GAS7: variants seen among roughly 807,000 people sequenced by gnomAD.
GAS7 encodes the protein growth arrest specific 7, also known as growth arrest-specific protein 7.
In GAS7, 28 loss-of-function variants were observed where a neutral mutation model predicts 71.1. The ratio of observed to expected loss-of-function variants is 0.39; its 90% CI spans 0.29 to 0.54. GAS7 has a LOEUF of 0.54. GAS7 is among the 20% of genes least tolerant of loss of function. The probability of loss-of-function intolerance (pLI) is 0.62; values close to 1 mark genes in which losing one functional copy is unlikely to be tolerated. For synonymous variants in GAS7, 258 were observed against 245.8 expected (o/e 1.05, Z -0.46); for missense variants, 436 against 627.8 (o/e 0.69, Z 3.27).
intron 1 of GAS7, among the ~76,000 whole-genome samples, chr17:10,118,820 A>G (rs971741318): frequency 6.6e-6 from 1 of 151,466 alleles, no homozygotes; most frequent in Non-Finnish European, 1.5e-5. Context: ...GGCCCAGCGC[A>G]GGTGGCCAGC....
intron 4 of GAS7, among the ~76,000 whole-genome samples, chr17:9,962,604 C>A (rs1446213930): frequency 6.6e-6 from 1 of 152,066 alleles, no homozygotes; most frequent in Non-Finnish European, 1.5e-5. Context: ...AGAAGAATGC[C>A]AATAAAAAAT....
chr17:9,993,222 C>T (rs2070913236), intron 2 of GAS7, among the ~76,000 whole-genome samples: 2 of 151,656 alleles, frequency 1.3e-5, no homozygotes, highest in Admixed American at 6.6e-5. Context: ...GTCCCACCAA[C>T]AGTGTAAAAG....
At position 10,198,192 on chromosome 17, in the gene GAS7, G is replaced by A. The variant is rs755071143; in HGVS notation, c.183+16C>T. 8 of 1,605,076 alleles carry A rather than the reference G, an allele frequency of 5.0e-6. No individual in the cohort carries two copies. Among genetic ancestry groups the A allele is most frequent in the South Asian group, 1.1e-5 (1 of 90,990 alleles). Reference sequence around the variant, plus strand: ...CCGCAGCCCCGGCTCCTACAGCCCCGGCCCTCGCCCCTTACCTCCAGCAAC... The same window carrying A: ...CCGCAGCCCCGGCTCCTACAGCCCCAGCCCTCGCCCCTTACCTCCAGCAAC... On this transcript the variant is annotated intron_variant, in intron 1 of 13. Transcript: ENST00000432992.
intron 3 of GAS7, among the ~76,000 whole-genome samples, chr17:9,976,070 G>C (rs1378626117): frequency 6.6e-6 from 1 of 152,208 alleles, no homozygotes; most frequent in Non-Finnish European, 1.5e-5. Context: ...TAGGGGAGCA[G>C]TTTTACATAA....
At chr17:10,088,220 CAATAATAATAATAAT>C (rs58029258) in intron 1 of GAS7, among the ~76,000 whole-genome samples, 9 of 137,824 alleles carry the variant, frequency 6.5e-5, no homozygotes, top group South Asian at 4.8e-4. Context: ...GACTCTATCT[CAATAATAATAATAAT>C]AATAATAATA....
Position 10,037,240 on chromosome 17 carries a change from T to C in GAS7, c.184-17343A>G, listed in dbSNP as rs950917444. On this transcript the variant is annotated intron_variant, in intron 1 of 13. Transcript: ENST00000432992. ...GGATCACAAAGTCATTAGTTACAAGTGGAGAAAGGATTGGACCCCAAGAGC... is the reference window on the plus strand; with the variant it reads ...GGATCACAAAGTCATTAGTTACAAGCGGAGAAAGGATTGGACCCCAAGAGC... 3.3e-5 allele frequency among the ~76,000 whole-genome samples: 5 copies of C among 152,248 alleles called. No homozygotes were observed. In the East Asian group the frequency reaches 9.7e-4, roughly 29 times the overall value.
intron 1 of GAS7, among the ~76,000 whole-genome samples, chr17:10,135,999 C>G (rs548543844): frequency 2.6e-5 from 4 of 152,300 alleles, no homozygotes; most frequent in African/African-American, 9.6e-5. Context: ...GTTGGCCCCA[C>G]TGAGCAGGGG....
At chr17:9,998,782 T>C (rs950621247) in intron 2 of GAS7, among the ~76,000 whole-genome samples, 1 of 151,652 alleles carries the variant, frequency 6.6e-6, no homozygotes, top group African/African-American at 2.4e-5. Context: ...GGCACCTGAT[T>C]TTCCCATCCT....
At chr17:9,931,009 T>C (rs2068189963) in intron 9 of GAS7, among the ~76,000 whole-genome samples, 1 of 152,294 alleles carries the variant, frequency 6.6e-6, no homozygotes, top group South Asian at 2.1e-4. Context: ...CATGTGGTTG[T>C]CCAGGGCCAG....
chr17:10,146,076 A>G (rs1597818513), intron 1 of GAS7, among the ~76,000 whole-genome samples: 1 of 152,264 alleles, frequency 6.6e-6, no homozygotes. Context: ...GCATCCACAC[A>G]CATGCAAGAA....
At chr17:10,173,543 C>T (rs139115155) in intron 1 of GAS7, among the ~76,000 whole-genome samples, 7,080 of 151,782 alleles carry the variant, frequency 0.047, 580 homozygotes, top group African/African-American at 0.16. Flanking sequence ...CAGAGATGGG[C>T]GGATCACAAG....
chr17:10,013,467 A>T (rs2071861687), intron 2 of GAS7, among the ~76,000 whole-genome samples: 1 of 152,178 alleles, frequency 6.6e-6, no homozygotes, highest in South Asian at 2.1e-4. Flanking sequence ...ACAGCACAAG[A>T]CAAGCAATTT....
intron 9 of GAS7, among the ~76,000 whole-genome samples, chr17:9,928,053 G>T (rs2068074026): frequency 6.6e-6 from 1 of 151,842 alleles, no homozygotes; most frequent in Admixed American, 6.6e-5. Context: ...CCCTTTAAAA[G>T]AACTTTTCCT....
In GAS7 at chr17:10,159,338, T is replaced by C. The variant is rs747638808; in HGVS notation, c.183+38870A>G. Among the ~76,000 whole-genome samples, 15 of 151,896 alleles carry C rather than the reference T, an allele frequency of 9.9e-5. No homozygotes were observed. The Middle Eastern group carries it at 0.014, about 138-fold the overall frequency. Reference sequence around the variant, plus strand: ...TACCCAACACAAATGAGAGCTTTCGTCCACCAAAAACATGTACGAGAATGT... The same window carrying C: ...TACCCAACACAAATGAGAGCTTTCGCCCACCAAAAACATGTACGAGAATGT... On this transcript the variant is annotated intron_variant, in intron 1 of 13. Transcript: ENST00000432992.
chr17:9,960,011 G>A (rs552362856), intron 4 of GAS7, among the ~76,000 whole-genome samples: 1 of 152,196 alleles, frequency 6.6e-6, no homozygotes, highest in African/African-American at 2.4e-5. Context: ...AAGAATGTTT[G>A]ATTCTGGGTC....
At chr17:10,022,129 C>T (rs866223007) in intron 1 of GAS7, among the ~76,000 whole-genome samples, 3 of 152,098 alleles carry the variant, frequency 2.0e-5, no homozygotes, top group South Asian at 2.1e-4. Context: ...TGGTGGCATA[C>T]GCCTGTGGTC....
chr17:9,936,621 C>A (rs1329674239), intron 8 of GAS7, among the ~76,000 whole-genome samples: 1 of 152,166 alleles, frequency 6.6e-6, no homozygotes, highest in Non-Finnish European at 1.5e-5. Context: ...ATATTCCAGG[C>A]TCTTTGGAGT....
chr17:10,049,013 C>T (rs2073022880), intron 1 of GAS7, among the ~76,000 whole-genome samples: 1 of 152,200 alleles, frequency 6.6e-6, no homozygotes, highest in Non-Finnish European at 1.5e-5. Flanking sequence ...TCCTACAAGG[C>T]CAGTGCAGAT....
intron 2 of GAS7, among the ~76,000 whole-genome samples, chr17:9,984,929 C>T (rs2070582936): frequency 6.6e-6 from 1 of 152,150 alleles, no homozygotes; most frequent in South Asian, 2.1e-4. Context: ...CTCTCCTGCC[C>T]GTTGAATCAG....
Sources: allele counts gnomAD v4.1 joint callset (sites outside exome capture counted in the v4.1 genomes callset), GRCh38; gene constraint gnomAD v4.1.1; transcripts MANE v1.5; gene names NCBI Gene and HGNC (gene_info 2026-07-23, HGNC 2026-07-21).